CSMD3: variants seen among roughly 807,000 people sequenced by gnomAD.
The protein encoded by CSMD3 is CUB and sushi domain-containing protein 3.
Under a neutral mutation model 435.2 loss-of-function variants are expected in CSMD3, and 177 were observed. The ratio of observed to expected loss-of-function variants is 0.41; its 90% confidence interval spans 0.36 to 0.46. The LOEUF (loss-of-function observed/expected upper bound fraction) is 0.46, where lower values mean the gene tolerates loss of function less well. CSMD3 is among the 20% of genes least tolerant of loss of function. The pLI, the probability that CSMD3 is intolerant of heterozygous loss-of-function variation, is 0.34. For missense variants in CSMD3, 4,265 were observed against 4,504.6 expected (o/e 0.95, Z 1.52); for synonymous variants, 1,656 against 1,520.5 (o/e 1.09, Z -2.07).
chr8:112,539,367 T>C (rs1826446930), intron 27 of CSMD3: 1 of 152,092 alleles, frequency 6.6e-6, no homozygotes, highest in Non-Finnish European at 1.5e-5. Flanking sequence ...CATTTTTTTA[T>C]TTAAAAAAAA....
intron 2 of CSMD3, chr8:113,312,987 T>G (rs934147420): frequency 6.6e-6 from 1 of 152,220 alleles, no homozygotes; most frequent in Non-Finnish European, 1.5e-5. Context: ...CTAGTAACCT[T>G]GTTTTTGCAC....
chr8:112,789,581 A>G (rs1006601608), intron 13 of CSMD3, among the ~76,000 whole-genome samples: 5 of 151,326 alleles, frequency 3.3e-5, no homozygotes, highest in Non-Finnish European at 7.4e-5. Context: ...ACTGAAATGT[A>G]TCTGTGTAAC....
chr8:113,211,453 A>C (rs1397629965), intron 3 of CSMD3, among the ~76,000 whole-genome samples: 1 of 152,070 alleles, frequency 6.6e-6, no homozygotes, highest in Non-Finnish European at 1.5e-5. Context: ...TATATAAAGC[A>C]CCCAACAAAA....
intron 3 of CSMD3, among the ~76,000 whole-genome samples, chr8:113,273,823 G>A (rs753974824): frequency 6.6e-6 from 1 of 151,902 alleles, no homozygotes; most frequent in East Asian, 1.9e-4. Context: ...TTTGTATTTA[G>A]GATAAACTAT....
intron 36 of CSMD3, among the ~76,000 whole-genome samples, chr8:112,384,731 A>G (rs960192355): frequency 6.6e-6 from 1 of 152,334 alleles, no homozygotes; most frequent in African/African-American, 2.4e-5. Context: ...GGCAATAGAT[A>G]CCCTGCCTGT....
chr8:113,241,990 C>CTATA (rs1415904582), intron 3 of CSMD3, among the ~76,000 whole-genome samples: 1 of 150,384 alleles, frequency 6.6e-6, no homozygotes, highest in African/African-American at 2.4e-5. Context: ...GGTTTTATAT[C>CTATA]TATATACATA....
At chr8:113,174,302 A>G (rs1228348690) in intron 3 of CSMD3, among the ~76,000 whole-genome samples, 1 of 152,134 alleles carries the variant, frequency 6.6e-6, no homozygotes, top group Non-Finnish European at 1.5e-5. Flanking sequence ...TCAGTCCTTC[A>G]GTGCTTAATC....
chr8:113,099,961 T>C (rs1370966500), intron 4 of CSMD3, among the ~76,000 whole-genome samples: 1 of 152,098 alleles, frequency 6.6e-6, no homozygotes, highest in Non-Finnish European at 1.5e-5. Context: ...TCTGGCTCTA[T>C]AATGACCAAT....
intron 10 of CSMD3, among the ~76,000 whole-genome samples, chr8:112,861,842 T>A (rs1255502150): frequency 6.6e-6 from 1 of 151,958 alleles, no homozygotes; most frequent in Non-Finnish European, 1.5e-5. Context: ...TACTTAATAC[T>A]TCGTAATTCT....
At chr8:112,772,805 T>G (rs2078154209) in intron 13 of CSMD3, among the ~76,000 whole-genome samples, 1 of 152,082 alleles carries the variant, frequency 6.6e-6, no homozygotes, top group South Asian at 2.1e-4. Flanking sequence ...TTTAATGCAT[T>G]GAGATGTTTA....
intron 7 of CSMD3, among the ~76,000 whole-genome samples, chr8:112,963,799 T>C (rs2084319429): frequency 6.6e-6 from 1 of 151,946 alleles, no homozygotes; most frequent in East Asian, 1.9e-4. Context: ...AACTTATACA[T>C]GAGAGCAATA....
At chr8:112,868,195 CTCAGGGGTAATAAT>C (rs1400917667) in intron 10 of CSMD3, among the ~76,000 whole-genome samples, 1 of 152,048 alleles carries the variant, frequency 6.6e-6, no homozygotes, top group African/African-American at 2.4e-5. Flanking sequence ...CGGACAGATC[CTCAGGGGTAATAAT>C]ACACATGGAG....
At chr8:112,785,451 G>T (rs546593611) in intron 13 of CSMD3, among the ~76,000 whole-genome samples, 4 of 151,946 alleles carry the variant, frequency 2.6e-5, no homozygotes, top group Non-Finnish European at 5.9e-5. Flanking sequence ...ATCCAAGTTG[G>T]AAAGAAAGAA....
chr8:112,748,209 GA>G (rs1422681279), intron 13 of CSMD3, among the ~76,000 whole-genome samples: 22 of 152,114 alleles, frequency 1.4e-4, no homozygotes, highest in Admixed American at 7.2e-4. Flanking sequence ...AGCTAAGTAG[GA>G]AAAAATCAGT....
chr8:112,615,097 G>C (rs555544849), intron 22 of CSMD3, among the ~76,000 whole-genome samples: 7 of 152,036 alleles, frequency 4.6e-5, no homozygotes, highest in Non-Finnish European at 8.8e-5. Flanking sequence ...AGTTTGAAAA[G>C]AATATAGAAC....
At chr8:112,610,942 T>C (rs993075105) in intron 22 of CSMD3, among the ~76,000 whole-genome samples, 10 of 152,188 alleles carry the variant, frequency 6.6e-5, no homozygotes, top group Non-Finnish European at 5.9e-5. Flanking sequence ...TCGAGTTGCA[T>C]TGAAATGCAT....
intron 23 of CSMD3, among the ~76,000 whole-genome samples, chr8:112,576,412 T>C (rs1217492677): frequency 1.3e-5 from 2 of 152,068 alleles, no homozygotes; most frequent in Non-Finnish European, 2.9e-5. Context: ...GTAACTAAAA[T>C]TAAAAAAATA....
rs572756790 is a variant in CSMD3 at position 112,715,107 on chromosome 8, C to G, written c.1973-25057G>C. Reference sequence around the variant, plus strand: ...TTGAAGGAGATAGAGGCACAAAAAACCCTTCAAAAAAAGCAATGAATCAAT... The same window carrying G: ...TTGAAGGAGATAGAGGCACAAAAAAGCCTTCAAAAAAAGCAATGAATCAAT... On this transcript the variant is annotated intron_variant, in intron 13 of 70. Coordinates refer to ENST00000297405, the MANE Select transcript of CSMD3 (RefSeq NM_198123.2). Among the ~76,000 whole-genome samples, 6 of 151,832 alleles carry G rather than the reference C, an allele frequency of 4.0e-5. No individual in the cohort carries two copies. In the South Asian group the frequency reaches 6.2e-4, roughly 16 times the overall value.
chr8:113,135,192 G>C (rs1349595237), intron 4 of CSMD3, among the ~76,000 whole-genome samples: 1 of 151,890 alleles, frequency 6.6e-6, no homozygotes, highest in African/African-American at 2.4e-5. Context: ...TTAGGCTGTA[G>C]ATTATAATTT....
Sources: gnomAD v4.1 joint callset for allele counts (sites outside exome capture counted in the v4.1 genomes callset) on GRCh38, gnomAD v4.1.1 for gene constraint, MANE v1.5 for transcripts, NCBI Gene and HGNC (gene_info 2026-07-23, HGNC 2026-07-21) for gene names.